The following ST7 variants were observed in gnomAD, a reference collection of about 807,000 sequenced individuals.
ST7 encodes suppression of tumorigenicity 7, also known as suppressor of tumorigenicity 7 protein.
ST7 carries 28 observed loss-of-function variants against 78.7 expected under a neutral mutation model. The observed-to-expected ratio is 0.36, with a 90% CI of 0.26 to 0.49. The LOEUF (loss-of-function observed/expected upper bound fraction) is 0.49, where lower values mean the gene tolerates loss of function less well. Among genes scored for constraint, ST7 ranks in the 20% least tolerant of loss-of-function variants. The pLI is 0.99. For synonymous variants in ST7, 247 were observed against 249.6 expected (o/e 0.99, Z 0.10); for missense variants, 418 against 696.0 (o/e 0.60, Z 4.49).
intron 1 of ST7, among the ~76,000 whole-genome samples, chr7:116,976,058 C>T (rs1190724450): frequency 6.6e-6 from 1 of 151,924 alleles, no homozygotes; most frequent in Non-Finnish European, 1.5e-5. Flanking sequence ...GTCAGGAGTT[C>T]GAGACCAGCC....
chr7:117,009,684 T>A (rs1174130125), intron 1 of ST7, among the ~76,000 whole-genome samples: 1 of 150,824 alleles, frequency 6.6e-6, no homozygotes, highest in Non-Finnish European at 1.5e-5. Flanking sequence ...AATTGCTATA[T>A]TTTTTTTTAA....
chr7:117,141,980 A>G (rs375254834), intron 9 of ST7, among the ~76,000 whole-genome samples: 2 of 152,242 alleles, frequency 1.3e-5, no homozygotes, highest in East Asian at 3.9e-4. Flanking sequence ...CATCACTGTA[A>G]TGTAAGGTGT....
At chr7:117,036,468 A>C (rs753265843) in intron 1 of ST7, among the ~76,000 whole-genome samples, 15 of 152,320 alleles carry the variant, frequency 9.8e-5, no homozygotes, top group African/African-American at 1.4e-4. Context: ...TATTTAGCTG[A>C]CTGGGCTTTT....
At chr7:117,048,053 CATA>C (rs1797582138) in intron 1 of ST7, among the ~76,000 whole-genome samples, 1 of 152,054 alleles carries the variant, frequency 6.6e-6, no homozygotes, top group Non-Finnish European at 1.5e-5. Flanking sequence ...ACTATATTCT[CATA>C]ATAAGAAAAT....
intron 1 of ST7, among the ~76,000 whole-genome samples, chr7:116,970,565 A>G (rs1793368116): frequency 6.6e-6 from 1 of 152,184 alleles, no homozygotes; most frequent in Admixed American, 6.5e-5. Flanking sequence ...TCTTCTTATA[A>G]GGGAACTAAT....
At chr7:117,167,071 GT>G (rs140708090) in intron 9 of ST7, among the ~76,000 whole-genome samples, 3 of 149,794 alleles carry the variant, frequency 2.0e-5, no homozygotes, top group Admixed American at 6.6e-5. Context: ...TTTTTACTTT[GT>G]TTTTTTTAAT....
intron 3 of ST7, among the ~76,000 whole-genome samples, chr7:117,126,896 A>G (rs1803898223): frequency 6.6e-6 from 1 of 151,950 alleles, no homozygotes; most frequent in South Asian, 2.1e-4. Flanking sequence ...GTGCTATTCA[A>G]TATTTGCTGC....
intron 9 of ST7, among the ~76,000 whole-genome samples, chr7:117,141,574 A>G (rs1175694908): frequency 6.6e-6 from 1 of 152,214 alleles, no homozygotes; most frequent in East Asian, 1.9e-4. Flanking sequence ...TGCAATCACG[A>G]ATATGGAAGC....
chr7:116,976,255 C>T (rs1291692068), intron 1 of ST7, among the ~76,000 whole-genome samples: 1 of 152,114 alleles, frequency 6.6e-6, no homozygotes, highest in Non-Finnish European at 1.5e-5. Context: ...CAGAGCAAGA[C>T]TCTCTCAAAC....
chr7:116,960,012 C>G (rs1255233557), intron 1 of ST7, among the ~76,000 whole-genome samples: 2 of 152,194 alleles, frequency 1.3e-5, no homozygotes, highest in East Asian at 3.9e-4. Context: ...GAATACAAGT[C>G]CAGATTTTGT....
At chr7:116,976,301 G>T (rs939996552) in intron 1 of ST7, among the ~76,000 whole-genome samples, 26 of 152,096 alleles carry the variant, frequency 1.7e-4, no homozygotes, top group African/African-American at 6.0e-4. Context: ...AACCCCAAAA[G>T]ACCCCAAGTT....
chr7:116,982,120 T>C (rs1793986490), intron 1 of ST7, among the ~76,000 whole-genome samples: 1 of 152,268 alleles, frequency 6.6e-6, no homozygotes, highest in African/African-American at 2.4e-5. Flanking sequence ...CTGTTTAACG[T>C]GGTCTGTCAT....
At chr7:117,066,994 A>G (rs1563055126) in intron 1 of ST7, among the ~76,000 whole-genome samples, 1 of 152,162 alleles carries the variant, frequency 6.6e-6, no homozygotes, top group Middle Eastern at 3.2e-3. Context: ...AAATGGAAGT[A>G]TAAAACATTT....
At chr7:117,043,417 C>A (rs1465550597) in intron 1 of ST7, among the ~76,000 whole-genome samples, 2 of 152,076 alleles carry the variant, frequency 1.3e-5, no homozygotes, top group African/African-American at 4.8e-5. Context: ...CCATTGTGGC[C>A]TAAGAATATT....
chr7:117,062,056 T>G (rs1482685019), intron 1 of ST7, among the ~76,000 whole-genome samples: 1 of 152,164 alleles, frequency 6.6e-6, no homozygotes, highest in Non-Finnish European at 1.5e-5. Context: ...TACAAGGTCT[T>G]TCTTTCTGGC....
chr7:117,176,736 T>C (rs1257666856), intron 10 of ST7, among the ~76,000 whole-genome samples: 1 of 152,170 alleles, frequency 6.6e-6, no homozygotes, highest in Non-Finnish European at 1.5e-5. Context: ...AAAATCTGTA[T>C]TTGTCAAACA....
chr7:116,983,389 A>C (rs1210539422), intron 1 of ST7, among the ~76,000 whole-genome samples: 1 of 152,114 alleles, frequency 6.6e-6, no homozygotes, highest in Admixed American at 6.5e-5. Flanking sequence ...GTATGTAACC[A>C]GTATCTCTTA....
intron 1 of ST7, among the ~76,000 whole-genome samples, chr7:117,070,350 A>G (rs1798863995): frequency 6.6e-6 from 1 of 152,226 alleles, no homozygotes. Flanking sequence ...CATAAAATAT[A>G]AAGCACCATT....
At chr7:117,061,674 C>T (rs1158145046) in intron 1 of ST7, among the ~76,000 whole-genome samples, 1 of 151,844 alleles carries the variant, frequency 6.6e-6, no homozygotes, top group Non-Finnish European at 1.5e-5. Flanking sequence ...AGGTCTGAAT[C>T]CACAGACATA....
Sources: allele counts gnomAD v4.1 joint callset (sites outside exome capture counted in the v4.1 genomes callset), GRCh38; gene constraint gnomAD v4.1.1; transcripts MANE v1.5; gene names NCBI Gene and HGNC (gene_info 2026-07-23, HGNC 2026-07-21).